The following GRAMD1B variants were observed in gnomAD, a reference collection of about 807,000 sequenced individuals.
GRAMD1B encodes the protein GRAM domain containing 1B.
GRAMD1B carries 37 observed loss-of-function variants against 99.7 expected under a neutral mutation model. The ratio of observed to expected loss-of-function variants is 0.37; its 90% CI spans 0.29 to 0.49. The LOEUF is 0.49. Among genes scored for constraint, GRAMD1B ranks in the 20% least tolerant of loss-of-function variants. The probability of loss-of-function intolerance (pLI) is 0.98; values close to 1 mark genes in which losing one functional copy is unlikely to be tolerated. For synonymous variants in GRAMD1B, 427 were observed against 387.6 expected, an observed-to-expected ratio of 1.10 and a Z score of -1.19; for missense variants, 888 against 1,009.2, an observed-to-expected ratio of 0.88 and a Z score of 1.63.
intron 2 of GRAMD1B, among the ~76,000 whole-genome samples, chr11:123,524,503 G>A (rs1942505471): frequency 6.6e-6 from 1 of 151,888 alleles, no homozygotes. Context: ...ACCACACCCA[G>A]CTAAATTTTG....
intron 19 of GRAMD1B, among the ~76,000 whole-genome samples, chr11:123,619,745 A>G (rs946218458): frequency 6.6e-6 from 1 of 152,188 alleles, no homozygotes; most frequent in Admixed American, 6.5e-5. Context: ...AACTAGATCA[A>G]CTATTTAGGC....
intron 1 of GRAMD1B, among the ~76,000 whole-genome samples, chr11:123,446,999 A>G (rs1353966092): frequency 6.6e-6 from 1 of 152,162 alleles, no homozygotes; most frequent in African/African-American, 2.4e-5. Context: ...GAAAGGCAAG[A>G]AAAGATGGTT....
At chr11:123,441,264 G>C (rs1303338687) in intron 1 of GRAMD1B, among the ~76,000 whole-genome samples, 1 of 152,002 alleles carries the variant, frequency 6.6e-6, no homozygotes, top group Admixed American at 6.6e-5. Flanking sequence ...CGAAAGAATG[G>C]CACCAAACCT....
chr11:123,607,466 G>A (rs1341359565), intron 11 of GRAMD1B, among the ~76,000 whole-genome samples: 4 of 152,148 alleles, frequency 2.6e-5, no homozygotes, highest in African/African-American at 7.2e-5. Flanking sequence ...ATATGAGCAC[G>A]GTGCTCACTT....
Position 123,510,597 on chromosome 11 carries a change from TG to T in GRAMD1B, c.452+29707del, listed in dbSNP as rs1330930738. On this transcript the variant is annotated intron_variant, in intron 2 of 19. Coordinates refer to ENST00000635736, the MANE Select transcript of GRAMD1B (RefSeq NM_001387025.1). The surrounding 1 kb of genome is among the most constrained non-coding windows in gnomAD (Gnocchi z 4.3). The stretch of plus-strand genomic sequence containing the variant: ...TTCCAGAGGGGTGGTTTGTTCTCCG[TG>T]GGTGGACGTTTGTGACTCTGCCTTT... Among the ~76,000 whole-genome samples the T allele has an allele frequency of 6.6e-6, 1 of 152,162 alleles. No homozygotes were observed. Among genetic ancestry groups the T allele is most frequent in the Admixed American group, 6.5e-5 (1 of 15,276 alleles).
intron 2 of GRAMD1B, chr11:123,509,928 C>T (rs534716955): frequency 6.6e-6 from 1 of 152,480 alleles, no homozygotes; most frequent in African/African-American, 2.4e-5. Context: ...CGGCTGCTCT[C>T]ATGTACCTTT....
rs146552541 is a variant in GRAMD1B, at chr11:123,378,655, A to G, written c.-176+19856A>G. Among the ~76,000 whole-genome samples the G allele has an allele frequency of 2.1e-3, 313 of 152,302 alleles. 2 individuals carry two copies. Among genetic ancestry groups the G allele is most frequent in the African/African-American group, 7.4e-3 (306 of 41,566 alleles). The stretch of plus-strand genomic sequence containing the variant: ...TCATGGTTCGGCCTTTGAAAAACCA[A>G]TGAAGCAGGGAAAACAGCCACTGAA... On this transcript the variant is annotated intron_variant, in intron 1 of 20. Transcript: ENST00000638157.
At chr11:123,523,671 G>T (rs1270029541) in intron 2 of GRAMD1B, among the ~76,000 whole-genome samples, 1 of 152,218 alleles carries the variant, frequency 6.6e-6, no homozygotes, top group African/African-American at 2.4e-5. Context: ...GATGGGCCAG[G>T]ATGAGAATAC....
chr11:123,513,513 T>TC (rs1475745135), intron 2 of GRAMD1B, among the ~76,000 whole-genome samples: 1 of 148,828 alleles, frequency 6.7e-6, no homozygotes, highest in Non-Finnish European at 1.5e-5. Flanking sequence ...TCTCTTTCTT[T>TC]CTTTCCTTCC....
At chr11:123,503,656 C>T (rs1396060404) in intron 2 of GRAMD1B, among the ~76,000 whole-genome samples, 1 of 151,888 alleles carries the variant, frequency 6.6e-6, no homozygotes, top group Non-Finnish European at 1.5e-5. Context: ...AAGGCATGCT[C>T]CTGCCTCAGC....
intron 1 of GRAMD1B, among the ~76,000 whole-genome samples, chr11:123,441,321 C>T (rs1329374539): frequency 6.6e-6 from 1 of 152,154 alleles, no homozygotes; most frequent in Non-Finnish European, 1.5e-5. Context: ...CCACCAGGTT[C>T]TCCTCCTACA....
At chr11:123,370,686 G>A (rs1409473789) in intron 1 of GRAMD1B, among the ~76,000 whole-genome samples, 1 of 152,040 alleles carries the variant, frequency 6.6e-6, no homozygotes, top group African/African-American at 2.4e-5. Context: ...TGAAGAGAAG[G>A]TGAAGTCATC....
chr11:123,541,207 C>T (rs765571772), intron 2 of GRAMD1B, among the ~76,000 whole-genome samples: 1 of 152,112 alleles, frequency 6.6e-6, no homozygotes, highest in Non-Finnish European at 1.5e-5. Flanking sequence ...AACTCCTGAC[C>T]TCAGGTGATC....
chr11:123,621,333 T>A (rs1042962022), intron 19 of GRAMD1B, among the ~76,000 whole-genome samples: 1 of 152,210 alleles, frequency 6.6e-6, no homozygotes. Context: ...TTTACAATTC[T>A]CCTGCCAGGT....
At chr11:123,405,115 G>C (rs1458615312) in intron 1 of GRAMD1B, among the ~76,000 whole-genome samples, 2 of 152,078 alleles carry the variant, frequency 1.3e-5, no homozygotes, top group African/African-American at 4.8e-5. Context: ...GAATTTGGTA[G>C]AAGTTGGGGG....
chr11:123,471,032 G>A (rs1950991784), intron 1 of GRAMD1B, among the ~76,000 whole-genome samples: 1 of 152,166 alleles, frequency 6.6e-6, no homozygotes, highest in African/African-American at 2.4e-5. Flanking sequence ...CATGTGACGA[G>A]TGACCACATC....
rs555668328 is a variant in GRAMD1B, at chr11:123,580,519, A to G, written c.663+2942A>G. Among the ~76,000 whole-genome samples, 5 of 152,282 alleles carry G rather than the reference A, an allele frequency of 3.3e-5. No individual in the cohort carries two copies. In the East Asian group the frequency reaches 9.6e-4, roughly 29 times the overall value. ...AGTGCCTCTGCTTCTCCCTGGGGTC[A>G]GGTCCCATGCACGGTGTCTTTCTTC... On this transcript the variant is annotated intron_variant, in intron 3 of 19. Transcript: ENST00000635736.
At chr11:123,509,636 T>C (rs1036036020) in intron 2 of GRAMD1B, among the ~76,000 whole-genome samples, 2 of 152,250 alleles carry the variant, frequency 1.3e-5, no homozygotes, top group Non-Finnish European at 2.9e-5. Context: ...TTAAGTAGAA[T>C]CCTTGCACTG....
chr11:123,437,131 A>C (rs1055237487), intron 1 of GRAMD1B, among the ~76,000 whole-genome samples: 6 of 152,030 alleles, frequency 3.9e-5, no homozygotes, highest in African/African-American at 1.2e-4. Context: ...TATGTGCCAC[A>C]TTTTCTTAAT....
Sources: gnomAD v4.1 joint callset for allele counts (sites outside exome capture counted in the v4.1 genomes callset) on GRCh38, gnomAD v4.1.1 for gene constraint, Gnocchi (gnomAD v3.1) non-coding constraint, MANE v1.5 for transcripts, NCBI Gene and HGNC (gene_info 2026-07-23, HGNC 2026-07-21) for gene names.